The following DLGAP1 variants were observed in gnomAD, a reference collection of about 807,000 sequenced individuals.
The protein encoded by DLGAP1 is DLG associated protein 1, also known as disks large-associated protein 1.
DLGAP1 carries 11 observed loss-of-function variants against 90.8 expected under a neutral mutation model. That is an observed-to-expected ratio of 0.12 (90% CI 0.08 to 0.20). The LOEUF (loss-of-function observed/expected upper bound fraction) is 0.20. Ranked by LOEUF, DLGAP1 falls within the 10% of genes least tolerant of loss-of-function variation. DLGAP1 has a pLI of 1.00. For missense variants in DLGAP1, 1,050 were observed against 1,333.8 expected, an observed-to-expected ratio of 0.79 and a Z score of 3.31; for synonymous variants, 558 against 540.7, an observed-to-expected ratio of 1.03 and a Z score of -0.44.
At chr18:3,730,122 C>T (rs566281529) in intron 6 of DLGAP1, among the ~76,000 whole-genome samples, 82 of 152,254 alleles carry the variant, frequency 5.4e-4, no homozygotes, top group African/African-American at 1.9e-3. Context: ...ACTGTTGTGG[C>T]TCGCACCTAT....
intron 7 of DLGAP1, among the ~76,000 whole-genome samples, chr18:3,723,965 G>A (rs1193222902): frequency 6.6e-6 from 1 of 152,168 alleles, no homozygotes; most frequent in African/African-American, 2.4e-5. Context: ...TCCCCTTCCT[G>A]AACTATGTGA....
intron 1 of DLGAP1, among the ~76,000 whole-genome samples, chr18:4,154,446 A>C (rs1263011071): frequency 6.6e-6 from 1 of 152,004 alleles, no homozygotes; most frequent in Non-Finnish European, 1.5e-5. Context: ...AGATGAATAC[A>C]CCTCATATCA....
intron 1 of DLGAP1, among the ~76,000 whole-genome samples, chr18:4,159,522 T>C (rs1168241062): frequency 6.6e-6 from 1 of 152,196 alleles, no homozygotes; most frequent in Non-Finnish European, 1.5e-5. Context: ...TGTAGCCCTT[T>C]CTTCACTCTT....
In DLGAP1 at chr18:4,131,372, C is replaced by G. The variant is rs192615248; in HGVS notation, c.-159+19808G>C. Among the ~76,000 whole-genome samples, 145 of 152,226 alleles carry G rather than the reference C, an allele frequency of 9.5e-4. 1 individual carries two copies. The highest frequency in any genetic ancestry group is 3.5e-3 in the African/African-American group (144 of 41,536). On this transcript the variant is annotated intron_variant, in intron 2 of 12. Transcript: ENST00000315677. The stretch of plus-strand genomic sequence containing the variant: ...TAGTGATATTTAAAAGTAAAACATG[C>G]GAAGAACTGTAATACTTTAAAGCAC...
chr18:4,045,284 G>T (rs2119845), intron 2 of DLGAP1, among the ~76,000 whole-genome samples: 109,530 of 151,390 alleles, frequency 0.72, 40,606 homozygotes, highest in African/African-American at 0.9. Flanking sequence ...CATATGTGCC[G>T]AAAATAAAAG....
intron 5 of DLGAP1, among the ~76,000 whole-genome samples, chr18:3,790,053 C>T (rs1227854911): frequency 6.6e-6 from 1 of 152,024 alleles, no homozygotes; most frequent in Non-Finnish European, 1.5e-5. Context: ...CAGTAGCTGA[C>T]TTTTAGTTTG....
intron 2 of DLGAP1, among the ~76,000 whole-genome samples, chr18:4,014,674 C>T (rs1410087605): frequency 6.6e-6 from 1 of 152,128 alleles, no homozygotes; most frequent in African/African-American, 2.4e-5. Flanking sequence ...AAAATATGTA[C>T]AACTGTTGTA....
chr18:3,595,318 G>A (rs1164852451), intron 7 of DLGAP1, among the ~76,000 whole-genome samples: 2 of 152,174 alleles, frequency 1.3e-5, no homozygotes, highest in African/African-American at 4.8e-5. Context: ...TTGGAGGAAG[G>A]TCATTTCAGA....
At chr18:3,530,718 G>C (rs2051934919) in intron 10 of DLGAP1, among the ~76,000 whole-genome samples, 1 of 152,198 alleles carries the variant, frequency 6.6e-6, no homozygotes, top group South Asian at 2.1e-4. Context: ...CCAGGGCAAA[G>C]ACCTAATTGT....
At chr18:4,310,529 G>C (rs369394401) in intron 1 of DLGAP1, among the ~76,000 whole-genome samples, 4 of 152,110 alleles carry the variant, frequency 2.6e-5, no homozygotes, top group African/African-American at 7.2e-5. Context: ...CGTTAGGTTA[G>C]GTACTCCTTT....
intron 1 of DLGAP1, among the ~76,000 whole-genome samples, chr18:4,447,670 TA>T (rs1451302822): frequency 6.6e-6 from 1 of 151,996 alleles, no homozygotes; most frequent in Non-Finnish European, 1.5e-5. Flanking sequence ...TAATGAATAA[TA>T]AAGAATTAAA....
At chr18:4,111,783 G>A (rs2075977343) in intron 2 of DLGAP1, among the ~76,000 whole-genome samples, 1 of 151,756 alleles carries the variant, frequency 6.6e-6, no homozygotes, top group Admixed American at 6.6e-5. Flanking sequence ...GGGTAGTGCT[G>A]TTCACTTTTT....
intron 7 of DLGAP1, among the ~76,000 whole-genome samples, chr18:3,609,387 T>TA (rs1351216285): frequency 6.6e-6 from 1 of 152,162 alleles, no homozygotes; most frequent in Non-Finnish European, 1.5e-5. Flanking sequence ...ATGTGAAACT[T>TA]ATGTTAAATA....
At position 3,862,063 on chromosome 18, in the gene DLGAP1, T is replaced by C. The variant is rs576835861; in HGVS notation, c.957+17049A>G. On this transcript the variant is annotated intron_variant, in intron 4 of 12. Transcript: ENST00000315677. Reference sequence around the variant, plus strand: ...ATTGGAAAGGTTTGAGACTCACTTGTCTCAGCAAACAGGGTTCAATTAAAC... The same window carrying C: ...ATTGGAAAGGTTTGAGACTCACTTGCCTCAGCAAACAGGGTTCAATTAAAC... 7.2e-5 allele frequency among the ~76,000 whole-genome samples: 11 copies of C among 152,350 alleles called. No homozygotes were observed. The South Asian group carries it at 2.3e-3, about 32-fold the overall frequency.
chr18:3,770,686 A>G (rs1485347488), intron 5 of DLGAP1, among the ~76,000 whole-genome samples: 1 of 151,934 alleles, frequency 6.6e-6, no homozygotes, highest in Non-Finnish European at 1.5e-5. Context: ...TTCTGAACAG[A>G]AAGTATAATT....
intron 7 of DLGAP1, among the ~76,000 whole-genome samples, chr18:3,622,267 G>A (rs905825048): frequency 6.6e-6 from 1 of 151,954 alleles, no homozygotes; most frequent in African/African-American, 2.4e-5. Flanking sequence ...AACACGCCCG[G>A]CTAATTTTTT....
chr18:4,088,358 A>G (rs997056726), intron 2 of DLGAP1, among the ~76,000 whole-genome samples: 4 of 152,184 alleles, frequency 2.6e-5, no homozygotes, highest in Admixed American at 6.5e-5. Flanking sequence ...TCCTTTAGAC[A>G]GTCAACTATC....
At chr18:3,835,533 C>T (rs192984490) in intron 4 of DLGAP1, among the ~76,000 whole-genome samples, 1 of 151,638 alleles carries the variant, frequency 6.6e-6, no homozygotes, top group Non-Finnish European at 1.5e-5. Flanking sequence ...ACTGTAGTTC[C>T]AGCTACTTGG....
intron 1 of DLGAP1, among the ~76,000 whole-genome samples, chr18:4,329,142 C>A (rs1285200114): frequency 6.6e-6 from 1 of 151,844 alleles, no homozygotes; most frequent in East Asian, 1.9e-4. Context: ...TAGTTCACTG[C>A]TCTCTATATA....
Sources: allele counts gnomAD v4.1 joint callset (sites outside exome capture counted in the v4.1 genomes callset), GRCh38; gene constraint gnomAD v4.1.1; transcripts MANE v1.5; gene names NCBI Gene and HGNC (gene_info 2026-07-23, HGNC 2026-07-21).